The following GRB14 variants were observed in gnomAD, a reference collection of about 807,000 sequenced individuals.
GRB14 encodes growth factor receptor bound protein 14, also known as growth factor receptor-bound protein 14.
In GRB14, 38 loss-of-function variants were observed where a neutral mutation model predicts 69.1. That is an observed-to-expected ratio of 0.55 (90% confidence interval 0.42 to 0.72). GRB14 has a LOEUF of 0.72. Among genes scored for constraint, GRB14 ranks in the 30% least tolerant of loss-of-function variants. GRB14 has a pLI of 0.00. For synonymous variants in GRB14, 247 were observed against 241.3 expected (o/e 1.02, Z -0.22); for missense variants, 666 against 666.1 (o/e 1.00, Z 0.00).
intron 2 of GRB14, among the ~76,000 whole-genome samples, chr2:164,566,697 A>G (rs1221031012): frequency 2.0e-5 from 3 of 152,138 alleles, no homozygotes; most frequent in Admixed American, 2.0e-4. Context: ...AAATTACAGC[A>G]TTCTTTCCTA....
intron 2 of GRB14, among the ~76,000 whole-genome samples, chr2:164,598,264 T>C (rs1689832403): frequency 6.6e-6 from 1 of 152,186 alleles, no homozygotes; most frequent in Non-Finnish European, 1.5e-5. Flanking sequence ...CTGATAATTA[T>C]GGTGATAACT....
intron 2 of GRB14, among the ~76,000 whole-genome samples, chr2:164,601,554 T>C (rs1305694611): frequency 6.6e-6 from 1 of 152,182 alleles, no homozygotes; most frequent in Non-Finnish European, 1.5e-5. Flanking sequence ...TGGGTTCAAG[T>C]CCTGGCTCTC....
Position 164,619,945 on chromosome 2 carries a change from G to C in GRB14, c.192-126C>G, listed in dbSNP as rs1229632382. 15 of 730,902 alleles carry C rather than the reference G, an allele frequency of 2.1e-5. No homozygotes were observed. The Admixed American group carries it at 4.5e-4, about 22-fold the overall frequency. The allele number at this position is 730,902 out of a possible 1,614,324, so 45.3% of individuals were successfully genotyped here. The stretch of plus-strand genomic sequence containing the variant: ...TGTGACAAGGCTCATATTATATAAA[G>C]TATATAGAAAAGGTCTGTGATGTAC... On this transcript the variant is annotated intron_variant, in intron 1 of 13. Coordinates refer to ENST00000263915, the MANE Select transcript of GRB14 (RefSeq NM_004490.3).
intron 2 of GRB14, among the ~76,000 whole-genome samples, chr2:164,557,171 A>C (rs188228386): frequency 6.6e-6 from 1 of 152,202 alleles, no homozygotes; most frequent in Non-Finnish European, 1.5e-5. Context: ...CTGAGGAAGA[A>C]AGGAGTGAAC....
At chr2:164,602,855 C>T (rs1049797537) in intron 2 of GRB14, among the ~76,000 whole-genome samples, 1 of 152,136 alleles carries the variant, frequency 6.6e-6, no homozygotes, top group Non-Finnish European at 1.5e-5. Flanking sequence ...GAAGAGAAGA[C>T]TCTTGCAGCT....
At chr2:164,604,438 T>C (rs1240876516) in intron 2 of GRB14, among the ~76,000 whole-genome samples, 1 of 152,160 alleles carries the variant, frequency 6.6e-6, no homozygotes, top group Non-Finnish European at 1.5e-5. Context: ...GTTGCAGAGA[T>C]AGACATACAA....
chr2:164,577,041 T>C (rs1024750116), intron 2 of GRB14, among the ~76,000 whole-genome samples: 5 of 152,192 alleles, frequency 3.3e-5, no homozygotes, highest in Admixed American at 2.6e-4. Flanking sequence ...GATTATTCTC[T>C]GGACAATATA....
Position 164,621,288 on chromosome 2 carries a change from C to T in GRB14, c.22G>A (p.Gly8Arg), listed in dbSNP as rs762931167. The change falls in exon 1 of 14, where the codon GGG becomes AGG. Residue 8 changes from glycine (G) to arginine (R), a missense_variant. Coordinates refer to ENST00000263915, the MANE Select transcript of GRB14 (RefSeq NM_004490.3). The surrounding 1 kb of genome is among the most constrained non-coding windows in gnomAD (Gnocchi z 6.0). MTTSLQD[G>R]QSAASRAAAR... ...GCCGCCCTGCTCGCGGCGCTCTGCC[C>T]ATCTTGCAGGGAAGTGGTCATTGTC... 2.3e-6 allele frequency: 3 copies of T among 1,286,688 alleles called. No individual in the cohort carries two copies. Among genetic ancestry groups the T allele is most frequent in the Non-Finnish European group, 3.0e-6 (3 of 1,016,574 alleles). The allele number at this position is 1,286,688 out of a possible 1,614,324, so 79.7% of individuals were successfully genotyped here.
At chr2:164,524,857 A>C (rs1323127366) in intron 5 of GRB14, 147 bp downstream of exon 5, 1 of 483,952 alleles carries the variant, frequency 2.1e-6, no homozygotes, top group South Asian at 3.2e-5. Flanking sequence ...GCCTGGGTGC[A>C]TTTTTTTTTT....
At chr2:164,562,992 T>C (rs1241815888) in intron 2 of GRB14, among the ~76,000 whole-genome samples, 1 of 152,040 alleles carries the variant, frequency 6.6e-6, no homozygotes, top group Non-Finnish European at 1.5e-5. Flanking sequence ...TGTACAAAAG[T>C]AAAAAGGGCA....
chr2:164,568,504 C>A, intron 2 of GRB14: 1 of 1,117,908 alleles, frequency 8.9e-7, no homozygotes, highest in Non-Finnish European at 1.1e-6. Flanking sequence ...ATAAATGTCA[C>A]CCTGCTTATG....
chr2:164,595,241 A>G (rs1262717873), intron 2 of GRB14, among the ~76,000 whole-genome samples: 1 of 152,214 alleles, frequency 6.6e-6, no homozygotes, highest in Non-Finnish European at 1.5e-5. Context: ...GCTTTCATCC[A>G]ACTTTTTAAA....
chr2:164,574,364 C>T (rs1388640823), intron 2 of GRB14, among the ~76,000 whole-genome samples: 1 of 151,802 alleles, frequency 6.6e-6, no homozygotes, highest in Non-Finnish European at 1.5e-5. Context: ...GCCTCAGCCT[C>T]CCGAGTAGCT....
chr2:164,550,833 G>A (rs763737810), intron 2 of GRB14, among the ~76,000 whole-genome samples: 20 of 152,084 alleles, frequency 1.3e-4, no homozygotes, highest in Non-Finnish European at 1.8e-4. Context: ...ATTCTTCAGT[G>A]GTACGTGCAA....
intron 2 of GRB14, among the ~76,000 whole-genome samples, chr2:164,582,409 ATTTAT>A (rs2105338951): frequency 8.5e-6 from 1 of 117,650 alleles, no homozygotes; most frequent in African/African-American, 4.1e-5. Context: ...GCTCTTATTT[ATTTAT>A]TTATTTATTA....
At chr2:164,495,971 C>A (rs896100979) in intron 12 of GRB14, among the ~76,000 whole-genome samples, 22 of 152,106 alleles carry the variant, frequency 1.4e-4, no homozygotes, top group African/African-American at 4.6e-4. Flanking sequence ...TTTAATAATT[C>A]TTTGTGACTC....
intron 7 of GRB14, 84 bp downstream of exon 7, chr2:164,508,658 T>C (rs1268059852): frequency 6.9e-6 from 10 of 1,442,002 alleles, no homozygotes; most frequent in Non-Finnish European, 9.5e-6. Context: ...AGCTGTCTCT[T>C]TTCAAAAGCA....
intron 2 of GRB14, among the ~76,000 whole-genome samples, chr2:164,549,799 G>A (rs548218898): frequency 1.9e-4 from 29 of 151,798 alleles, no homozygotes; most frequent in African/African-American, 6.5e-4. Flanking sequence ...GGGAGGCGGA[G>A]GTTGCAGTGA....
chr2:164,547,832 C>A lies in GRB14; in HGVS notation c.325-16G>T, dbSNP rs1688423567. ...CTTTAATCACCTGTGTAGGTAGAAACAAGAAAAAGACCTAAAATATTCCTG... is the reference window on the plus strand; with the variant it reads ...CTTTAATCACCTGTGTAGGTAGAAAAAAGAAAAAGACCTAAAATATTCCTG... On this transcript the variant is annotated splice_polypyrimidine_tract_variant and intron_variant, in intron 2 of 13. Transcript: ENST00000263915. 1.9e-6 allele frequency: 3 copies of A among 1,567,154 alleles called. No individual in the cohort carries two copies. Among genetic ancestry groups the A allele is most frequent in the South Asian group, 1.2e-5 (1 of 83,170 alleles).
Sources: allele counts gnomAD v4.1 joint callset (sites outside exome capture counted in the v4.1 genomes callset), GRCh38; gene constraint gnomAD v4.1.1; non-coding constraint Gnocchi (gnomAD v3.1); transcripts MANE v1.5; gene names NCBI Gene and HGNC (gene_info 2026-07-23, HGNC 2026-07-21).